Variants in ELF5 observed in about 807,000 individuals in gnomAD.
ELF5 encodes the protein E74 like ETS transcription factor 5, also known as ETS-related transcription factor Elf-5.
A neutral mutation model predicts 38.2 loss-of-function variants in ELF5; 31 were observed. That is an observed-to-expected ratio of 0.81 (90% confidence interval 0.61 to 1.10). The LOEUF (loss-of-function observed/expected upper bound fraction) is 1.10. Among genes scored for constraint, ELF5 ranks in the 50% least tolerant of loss-of-function variants. The pLI is 0.00. For synonymous variants in ELF5, 121 were observed against 112.5 expected (o/e 1.08, Z -0.48); for missense variants, 300 against 306.6 (o/e 0.98, Z 0.16).
At chr11:34,502,604 C>T (rs1850499620) in intron 2 of ELF5, among the ~76,000 whole-genome samples, 1 of 152,250 alleles carries the variant, frequency 6.6e-6, no homozygotes, top group African/African-American at 2.4e-5. Flanking sequence ...TCCAGGTGAA[C>T]ATTTCACACC....
chr11:34,506,197 C>T (rs1850610676), intron 1 of ELF5, among the ~76,000 whole-genome samples: 1 of 152,172 alleles, frequency 6.6e-6, no homozygotes, highest in Non-Finnish European at 1.5e-5. Flanking sequence ...AACACAGATG[C>T]AGCTGGAGGC....
intron 1 of ELF5, among the ~76,000 whole-genome samples, chr11:34,508,295 A>T (rs946757354): frequency 6.6e-6 from 1 of 152,084 alleles, no homozygotes; most frequent in Non-Finnish European, 1.5e-5. Context: ...TGAGGTCAGG[A>T]GTTCAAGACC....
chr11:34,495,922 G>A (rs1030498830), intron 2 of ELF5, among the ~76,000 whole-genome samples: 6 of 152,338 alleles, frequency 3.9e-5, no homozygotes, highest in East Asian at 3.9e-4. Flanking sequence ...CTTTACTGGC[G>A]TCCTGTGAGA....
chr11:34,495,231 A>G (rs894359993), intron 2 of ELF5, among the ~76,000 whole-genome samples: 1 of 152,212 alleles, frequency 6.6e-6, no homozygotes, highest in Non-Finnish European at 1.5e-5. Context: ...AGGGCCTGAA[A>G]AGAAAGGCAG....
rs370229691 is a variant in ELF5 at position 34,480,765 on chromosome 11, A to G, written c.671+7T>C. 2 of 1,613,282 alleles carry G rather than the reference A, an allele frequency of 1.2e-6. No homozygotes were observed. Among genetic ancestry groups the G allele is most frequent in the South Asian group, 1.1e-5 (1 of 91,004 alleles). Reference sequence around the variant, plus strand: ...AAGGCTCATAGTATTTTATGCTATTAACTTACCTCAGGGCTCTGCTCAACT... The same window carrying G: ...AAGGCTCATAGTATTTTATGCTATTGACTTACCTCAGGGCTCTGCTCAACT... On this transcript the variant is annotated splice_region_variant and intron_variant, in intron 6 of 6. Transcript: ENST00000257832.
intron 2 of ELF5, 85 bp downstream of exon 2, chr11:34,505,544 C>T: frequency 2.5e-6 from 4 of 1,590,434 alleles, no homozygotes; most frequent in Non-Finnish European, 2.6e-6. Flanking sequence ...CCCAGCACAG[C>T]TTTGTCTTCC....
chr11:34,495,793 C>A (rs1424532720), intron 2 of ELF5, among the ~76,000 whole-genome samples: 1 of 152,210 alleles, frequency 6.6e-6, no homozygotes, highest in African/African-American at 2.4e-5. Context: ...CTTACCAGGC[C>A]CGTGGGGGCT....
intron 4 of ELF5, 111 bp downstream of exon 4, chr11:34,489,898 G>T: frequency 7.7e-7 from 1 of 1,293,116 alleles, no homozygotes; most frequent in Non-Finnish European, 1.1e-6. Flanking sequence ...CTCCAGGTCT[G>T]GGATTGTTTT....
chr11:34,513,216 A>G (rs570057222), intron 1 of ELF5, among the ~76,000 whole-genome samples: 57 of 152,122 alleles, frequency 3.7e-4, no homozygotes, highest in Non-Finnish European at 7.4e-4. Flanking sequence ...GCCCCAAACT[A>G]TAATAAGGGA....
rs2296144 is a variant in ELF5 at position 34,480,049 on chromosome 11, A to G, written c.*169T>C. 565,484 of 622,054 alleles carry G rather than the reference A, an allele frequency of 0.91. 257,825 individuals are homozygous for G. Among genetic ancestry groups the G allele is most frequent in the Middle Eastern group, 0.95 (2,248 of 2,358 alleles). The allele number at this position is 622,054 out of a possible 1,614,324, so 38.5% of individuals were successfully genotyped here. On this transcript the variant is annotated 3_prime_UTR_variant, in exon 7 of 7. Transcript: ENST00000257832. ...TTAAGAGTTTCTGCTCTCACCCTCC[A>G]TAGACAACAACTCTGAATCCAAATG...
chr11:34,509,247 G>A (rs182652441), intron 1 of ELF5, among the ~76,000 whole-genome samples: 15 of 152,188 alleles, frequency 9.9e-5, no homozygotes, highest in Admixed American at 6.5e-4. Context: ...TGAGAATCAC[G>A]AACCCAGGAG....
At chr11:34,511,066 G>A (rs546457918) in intron 1 of ELF5, among the ~76,000 whole-genome samples, 3 of 152,142 alleles carry the variant, frequency 2.0e-5, no homozygotes, top group African/African-American at 4.8e-5. Flanking sequence ...AGCCCCCAAG[G>A]TCTGCCCTAA....
chr11:34,481,952 G>A (rs1856952289), intron 5 of ELF5, among the ~76,000 whole-genome samples: 1 of 152,158 alleles, frequency 6.6e-6, no homozygotes, highest in Admixed American at 6.5e-5. Context: ...GAAATTACAA[G>A]CTTGACACTG....
chr11:34,507,258 T>C (rs547518576), intron 1 of ELF5, among the ~76,000 whole-genome samples: 8 of 152,352 alleles, frequency 5.3e-5, no homozygotes, highest in South Asian at 4.1e-4. Context: ...CCTGTGGTAA[T>C]TGCAACAAGC....
chr11:34,491,260 C>A (rs1255491931), intron 3 of ELF5, among the ~76,000 whole-genome samples: 4 of 152,108 alleles, frequency 2.6e-5, no homozygotes, highest in African/African-American at 7.2e-5. Flanking sequence ...GTCTCCTGGG[C>A]AAATGGGAGA....
At chr11:34,500,980 A>T (rs977215449) in intron 2 of ELF5, among the ~76,000 whole-genome samples, 1 of 151,954 alleles carries the variant, frequency 6.6e-6, no homozygotes, top group Non-Finnish European at 1.5e-5. Flanking sequence ...ATCATGCTAA[A>T]TTATTTGTGC....
chr11:34,493,782 G>C, intron 2 of ELF5, 70 bp from the exon 3 acceptor site: 1 of 1,367,956 alleles, frequency 7.3e-7, no homozygotes, highest in African/African-American at 1.4e-5. Flanking sequence ...CCTGAAGGAT[G>C]CATCAGTTAA....
At chr11:34,508,777 G>A (rs1018923286) in intron 1 of ELF5, among the ~76,000 whole-genome samples, 33 of 152,198 alleles carry the variant, frequency 2.2e-4, no homozygotes, top group Non-Finnish European at 3.1e-4. Context: ...TGAGGAAGTT[G>A]AGACTCAGGG....
intron 2 of ELF5, among the ~76,000 whole-genome samples, chr11:34,494,053 C>G (rs879897501): frequency 2.0e-5 from 3 of 152,212 alleles, no homozygotes. Flanking sequence ...ATCAAAAGCA[C>G]AAACTCAGCT....
Sources: gnomAD v4.1 joint callset for allele counts (sites outside exome capture counted in the v4.1 genomes callset) on GRCh38, gnomAD v4.1.1 for gene constraint, MANE v1.5 for transcripts, NCBI Gene and HGNC (gene_info 2026-07-23, HGNC 2026-07-21) for gene names.